Variants in KIAA1217 observed in about 807,000 individuals in gnomAD.
KIAA1217 encodes the protein KIAA1217.
Under a neutral mutation model 163.9 loss-of-function variants are expected in KIAA1217, and 88 were observed. The ratio of observed to expected loss-of-function variants is 0.54; its 90% CI spans 0.45 to 0.64. KIAA1217 has a LOEUF of 0.64. Among genes scored for constraint, KIAA1217 ranks in the 30% least tolerant of loss-of-function variants. KIAA1217 has a pLI of 0.00. For missense variants in KIAA1217, 2,372 were observed against 2,475.0 expected, an observed-to-expected ratio of 0.96 and a Z score of 0.88; for synonymous variants, 903 against 923.1, an observed-to-expected ratio of 0.98 and a Z score of 0.39.
intron 2 of KIAA1217, among the ~76,000 whole-genome samples, chr10:24,320,331 T>C (rs149232510): frequency 6.6e-6 from 1 of 152,340 alleles, no homozygotes; most frequent in African/African-American, 2.4e-5. Context: ...ATCACAAATA[T>C]AACTTGTGTG....
At chr10:23,997,069 G>A (rs1431830074) in intron 1 of KIAA1217, among the ~76,000 whole-genome samples, 1 of 152,208 alleles carries the variant, frequency 6.6e-6, no homozygotes, top group Non-Finnish European at 1.5e-5. Flanking sequence ...AACCTGTTTC[G>A]AAGGTGATTC....
intron 1 of KIAA1217, among the ~76,000 whole-genome samples, chr10:23,751,280 G>C (rs533089926): frequency 2.6e-5 from 4 of 152,072 alleles, no homozygotes. Context: ...TGCCTGCCTC[G>C]GCCTTCCAAA....
chr10:24,260,422 A>G (rs2075602141), intron 2 of KIAA1217, among the ~76,000 whole-genome samples: 1 of 152,066 alleles, frequency 6.6e-6, no homozygotes, highest in African/African-American at 2.4e-5. Flanking sequence ...GTTGTATAGT[A>G]GTTACACTAT....
chr10:23,770,481 T>C (rs1834744691), intron 1 of KIAA1217, among the ~76,000 whole-genome samples: 2 of 152,212 alleles, frequency 1.3e-5, no homozygotes, highest in South Asian at 4.1e-4. Flanking sequence ...AGTTCATTTG[T>C]GGTGGTGGAA....
intron 1 of KIAA1217, among the ~76,000 whole-genome samples, chr10:23,720,887 G>T (rs1345648057): frequency 6.6e-6 from 1 of 152,048 alleles, no homozygotes; most frequent in African/African-American, 2.4e-5. Flanking sequence ...AGTGGCTCTT[G>T]TTCCCTAAGG....
intron 2 of KIAA1217, among the ~76,000 whole-genome samples, chr10:24,253,629 G>A (rs1035000496): frequency 6.6e-6 from 1 of 152,094 alleles, no homozygotes; most frequent in Non-Finnish European, 1.5e-5. Flanking sequence ...CTACTCAGGA[G>A]GCTGAGGCAG....
intron 2 of KIAA1217, among the ~76,000 whole-genome samples, chr10:24,102,740 C>T (rs1288750049): frequency 6.6e-6 from 1 of 152,148 alleles, no homozygotes; most frequent in Non-Finnish European, 1.5e-5. Context: ...AAGAAATAGA[C>T]CAACACAAAC....
At chr10:24,362,754 A>G (rs903974832) in intron 2 of KIAA1217, among the ~76,000 whole-genome samples, 6 of 152,150 alleles carry the variant, frequency 3.9e-5, no homozygotes, top group Non-Finnish European at 8.8e-5. Context: ...TAATCCCAGC[A>G]CTTTGAGAGG....
intron 1 of KIAA1217, among the ~76,000 whole-genome samples, chr10:23,969,027 G>GT (rs1005008294): frequency 5.9e-5 from 9 of 151,760 alleles, no homozygotes; most frequent in African/African-American, 1.7e-4. Context: ...GAAGCTCTAT[G>GT]TTTTTTTTGT....
At chr10:23,863,767 G>A (rs1275318813) in intron 1 of KIAA1217, among the ~76,000 whole-genome samples, 1 of 152,126 alleles carries the variant, frequency 6.6e-6, no homozygotes, top group Admixed American at 6.6e-5. Flanking sequence ...TTTTACCTCT[G>A]AGATTCTCCC....
intron 2 of KIAA1217, among the ~76,000 whole-genome samples, chr10:24,025,060 C>T (rs138231473): frequency 1.5e-3 from 231 of 151,682 alleles, no homozygotes; most frequent in African/African-American, 5.1e-3. Context: ...TTATGGTTCC[C>T]ACTTTTTGTG....
At chr10:24,167,232 A>C (rs575969394) in intron 2 of KIAA1217, among the ~76,000 whole-genome samples, 1 of 151,950 alleles carries the variant, frequency 6.6e-6, no homozygotes, top group South Asian at 2.1e-4. Flanking sequence ...AAAGCACTGA[A>C]TAACAAAATA....
At chr10:24,545,222 G>A (rs2075600884) in intron 20 of KIAA1217, 119 bp downstream of exon 20, 39 of 1,478,264 alleles carry the variant, frequency 2.6e-5, no homozygotes, top group Non-Finnish European at 3.3e-5. Context: ...TAGACATCCT[G>A]GATCTGGGGG....
chr10:23,918,066 G>A (rs1842696773), intron 1 of KIAA1217, among the ~76,000 whole-genome samples: 1 of 151,608 alleles, frequency 6.6e-6, no homozygotes, highest in Non-Finnish European at 1.5e-5. Flanking sequence ...AGGGTGAAGT[G>A]CAGTGGTGTG....
At chr10:24,077,389 T>G (rs2061402126) in intron 2 of KIAA1217, among the ~76,000 whole-genome samples, 2 of 152,190 alleles carry the variant, frequency 1.3e-5, no homozygotes, top group Admixed American at 1.3e-4. Context: ...CTACCGTGTG[T>G]TCTCATCATT....
chr10:23,856,195 G>T (rs1839651444), intron 1 of KIAA1217, among the ~76,000 whole-genome samples: 1 of 152,172 alleles, frequency 6.6e-6, no homozygotes, highest in Non-Finnish European at 1.5e-5. Flanking sequence ...TTTTGGTGCG[G>T]ATGTCCTTTC....
chr10:24,478,374 T>G (rs923433071), intron 6 of KIAA1217, among the ~76,000 whole-genome samples: 2 of 152,236 alleles, frequency 1.3e-5, no homozygotes, highest in Non-Finnish European at 2.9e-5. Flanking sequence ...TGGCATTTCT[T>G]TCTTTCTAAA....
intron 1 of KIAA1217, among the ~76,000 whole-genome samples, chr10:23,784,450 A>T (rs572983522): frequency 6.6e-6 from 1 of 152,254 alleles, no homozygotes; most frequent in African/African-American, 2.4e-5. Flanking sequence ...AATTGCTGAT[A>T]AGTAAAGACT....
intron 2 of KIAA1217, among the ~76,000 whole-genome samples, chr10:24,025,646 G>A (rs77291260): frequency 6.6e-6 from 1 of 151,570 alleles, no homozygotes; most frequent in South Asian, 2.1e-4. Context: ...TCATGAACAT[G>A]GTATGTCTCT....
Sources: gnomAD v4.1 joint callset for allele counts (sites outside exome capture counted in the v4.1 genomes callset) on GRCh38, gnomAD v4.1.1 for gene constraint, MANE v1.5 for transcripts, NCBI Gene and HGNC (gene_info 2026-07-23, HGNC 2026-07-21) for gene names.